Variants in KLF6 observed in about 807,000 individuals in gnomAD.
KLF6 encodes the protein Krueppel-like factor 6.
For synonymous variants in KLF6, 152 were observed against 147.9 expected (o/e 1.03, Z -0.20); for missense variants, 233 against 359.8 (o/e 0.65, Z 2.85).
chr10:3,781,620 G>A lies in KLF6; in HGVS notation c.676+21C>T, dbSNP rs1198463457. On this transcript the variant is annotated intron_variant, in intron 2 of 3. Coordinates refer to ENST00000497571, the MANE Select transcript of KLF6 (RefSeq NM_001300.6). The surrounding 1 kb of genome is among the most constrained non-coding windows in gnomAD (Gnocchi z 5.8). The stretch of plus-strand genomic sequence containing the variant: ...TGGCGCCCACCAGCGGCCGCCCTCC[G>A]GGGCCCGCGTGGGCACTGACCTGTG... The A allele has an allele frequency of 2.0e-5, 32 of 1,610,796 alleles. No homozygotes were observed. Among genetic ancestry groups the A allele is most frequent in the Admixed American group, 6.7e-5 (4 of 59,616 alleles).
At chr10:3,783,221 A>ATG (rs1832570584) in intron 1 of KLF6, 1 of 152,190 alleles carries the variant, frequency 6.6e-6, no homozygotes. Flanking sequence ...CCAACCTTTC[A>ATG]AGAAGCTACA....
chr10:3,777,394 G>A lies in KLF6; in HGVS notation c.*2145C>T. The A allele has an allele frequency of 2.0e-6, 1 of 511,522 alleles. No individual in the cohort carries two copies. 31.7% of individuals were successfully genotyped at this position (511,522 alleles called of 1,614,324 possible). On this transcript the variant is annotated 3_prime_UTR_variant, in exon 4 of 4. Transcript: ENST00000497571. ...AAAAGTGTTCTACAAAAGAATCCCT[G>A]TGGTTAGCTTACTCTTAGGTTAGAT...
In KLF6 at chr10:3,776,418, A is replaced by T. The variant is rs572017047; in HGVS notation, c.*3121T>A. The T allele has an allele frequency of 5.6e-5, 30 of 531,296 alleles. No homozygotes were observed. Among genetic ancestry groups the T allele is most frequent in the African/African-American group, 5.0e-4 (27 of 53,738 alleles). The allele number at this position is 531,296 out of a possible 1,614,324, so 32.9% of individuals were successfully genotyped here. On this transcript the variant is annotated 3_prime_UTR_variant, in exon 4 of 4. Coordinates refer to ENST00000497571, the MANE Select transcript of KLF6 (RefSeq NM_001300.6). Reference sequence around the variant, plus strand: ...CCCAGGACAGGCTGTGGAAAGAGGAAGGGGCTGAGGTCGGTGAGTTGTTCT... The same window carrying T: ...CCCAGGACAGGCTGTGGAAAGAGGATGGGGCTGAGGTCGGTGAGTTGTTCT...
In KLF6 at chr10:3,779,208, T is replaced by C; in HGVS notation, c.*331A>G. 3.5e-6 allele frequency: 2 copies of C among 563,810 alleles called. No individual in the cohort carries two copies. Among genetic ancestry groups the C allele is most frequent in the Non-Finnish European group, 6.7e-6 (2 of 296,332 alleles). 34.9% of individuals were successfully genotyped at this position (563,810 alleles called of 1,614,324 possible). On this transcript the variant is annotated 3_prime_UTR_variant, in exon 4 of 4. Coordinates refer to ENST00000497571, the MANE Select transcript of KLF6 (RefSeq NM_001300.6). Reference sequence around the variant, plus strand: ...TAACCACAAGGAAAAAAAGTTGGCCTCATCATACGGTCAGTAATAGATCCT... The same window carrying C: ...TAACCACAAGGAAAAAAAGTTGGCCCCATCATACGGTCAGTAATAGATCCT...
chr10:3,780,388 A>G lies in KLF6; in HGVS notation c.677-159T>C, dbSNP rs761983409. 1.2e-4 allele frequency: 97 copies of G among 818,882 alleles called. No individual in the cohort carries two copies. The highest frequency in any genetic ancestry group is 1.8e-4 in the Non-Finnish European group (85 of 484,620). The allele number at this position is 818,882 out of a possible 1,614,324, so 50.7% of individuals were successfully genotyped here. On this transcript the variant is annotated intron_variant, in intron 2 of 3. Transcript: ENST00000497571. The surrounding 1 kb of genome is among the most constrained non-coding windows in gnomAD (Gnocchi z 4.6). ...CAACTGGCAGCCTCAGAGAGACAACAGCAGCTCTCTCCTGACCCAGTCTCA... is the reference window on the plus strand; with the variant it reads ...CAACTGGCAGCCTCAGAGAGACAACGGCAGCTCTCTCCTGACCCAGTCTCA...
chr10:3,780,275 G>A lies in KLF6; in HGVS notation c.677-46C>T, dbSNP rs368903095. On this transcript the variant is annotated intron_variant, in intron 2 of 3. Coordinates refer to ENST00000497571, the MANE Select transcript of KLF6 (RefSeq NM_001300.6). The surrounding 1 kb of genome is among the most constrained non-coding windows in gnomAD (Gnocchi z 4.6). ...AAGCAGCCCATGACTTCACTGACCC[G>A]CAGACGGAAAGGGGAAATTCAACAA... The A allele has an allele frequency of 1.8e-5, 29 of 1,609,146 alleles. No homozygotes were observed. In the East Asian group the frequency reaches 2.5e-4, roughly 14 times the overall value.
Position 3,782,276 on chromosome 10 carries a change from G to A in KLF6, c.103-62C>T. ...ATGACGACCAAAAGTAAAAGCAAAA[G>A]CAATTTCCAAAAACATGCAAGAATG... On this transcript the variant is annotated intron_variant, in intron 1 of 3. Coordinates refer to ENST00000497571, the MANE Select transcript of KLF6 (RefSeq NM_001300.6). This position sits in a 1 kb window ranked among gnomAD's most constrained non-coding sequence, Gnocchi z 4.3. The A allele has an allele frequency of 2.9e-6, 4 of 1,402,508 alleles. No homozygotes were observed. The highest frequency in any genetic ancestry group is 3.0e-6 in the Non-Finnish European group (3 of 1,003,258). 86.9% of individuals were successfully genotyped at this position (1,402,508 alleles called of 1,614,324 possible).
chr10:3,784,777 G>A (rs1186643771), intron 1 of KLF6, 136 bp downstream of exon 1: 2 of 771,576 alleles, frequency 2.6e-6, no homozygotes, highest in Non-Finnish European at 3.8e-6. Flanking sequence ...ATCGGCGGGG[G>A]CGCTGCGCCC....
At chr10:3,784,512 T>G (rs1832603739) in intron 1 of KLF6, among the ~76,000 whole-genome samples, 1 of 151,648 alleles carries the variant, frequency 6.6e-6, no homozygotes, top group South Asian at 2.1e-4. Context: ...GGGCAAAATG[T>G]GATTTTTTTA....
Position 3,779,468 on chromosome 10 carries a change from G to C in KLF6, c.*71C>G. On this transcript the variant is annotated 3_prime_UTR_variant, in exon 4 of 4. Coordinates refer to ENST00000497571, the MANE Select transcript of KLF6 (RefSeq NM_001300.6). ...GAACGGCATGCTTTGGCTGGAACAC[G>C]CATCCCTCCTTCCACGGCCGGCTCT... 4 of 1,309,972 alleles carry C rather than the reference G, an allele frequency of 3.1e-6. No individual in the cohort carries two copies. The highest frequency in any genetic ancestry group is 4.4e-6 in the Non-Finnish European group (4 of 903,750). The allele number at this position is 1,309,972 out of a possible 1,614,324, so 81.1% of individuals were successfully genotyped here. A position where few individuals can be genotyped will look rare whatever the true frequency, so the allele number is the denominator to read the frequency against.
chr10:3,779,692 C>G, intron 3 of KLF6, 102 bp from the exon 4 acceptor site: 4 of 1,063,032 alleles, frequency 3.8e-6, no homozygotes, highest in Non-Finnish European at 5.8e-6. Context: ...GCCTAACCCC[C>G]TGCAGGGAAA....
rs189242637 is a variant in KLF6, at chr10:3,780,271, A to T, written c.677-42T>A. On this transcript the variant is annotated intron_variant, in intron 2 of 3. Transcript: ENST00000497571. This position sits in a 1 kb window ranked among gnomAD's most constrained non-coding sequence, Gnocchi z 4.6. ...GGACAAGCAGCCCATGACTTCACTG[A>T]CCCGCAGACGGAAAGGGGAAATTCA... 4.3e-5 allele frequency: 69 copies of T among 1,610,516 alleles called. No individual in the cohort carries two copies. In the African/African-American group the frequency reaches 8.0e-4, roughly 19 times the overall value.
rs1179920549 is a variant in KLF6 at position 3,776,402 on chromosome 10, G to A, written c.*3137C>T. 1 of 531,984 alleles carries A rather than the reference G, an allele frequency of 1.9e-6. No individual in the cohort carries two copies. The highest frequency in any genetic ancestry group is 2.2e-5 in the Admixed American group (1 of 44,950). The allele number at this position is 531,984 out of a possible 1,614,324, so 33.0% of individuals were successfully genotyped here. ...GACATCCTCTCCAGCTCCCAGGACAGGCTGTGGAAAGAGGAAGGGGCTGAG... is the reference window on the plus strand; with the variant it reads ...GACATCCTCTCCAGCTCCCAGGACAAGCTGTGGAAAGAGGAAGGGGCTGAG... On this transcript the variant is annotated 3_prime_UTR_variant, in exon 4 of 4. Transcript: ENST00000497571.
rs962842207 is a variant in KLF6, at chr10:3,778,216, A to T, written c.*1323T>A. The T allele has an allele frequency of 5.7e-6, 3 of 525,968 alleles. No individual in the cohort carries two copies. The highest frequency in any genetic ancestry group is 5.6e-5 in the African/African-American group (3 of 53,348). The allele number at this position is 525,968 out of a possible 1,614,324, so 32.6% of individuals were successfully genotyped here. A position where few individuals can be genotyped will look rare whatever the true frequency, so the allele number is the denominator to read the frequency against. On this transcript the variant is annotated 3_prime_UTR_variant, in exon 4 of 4. Transcript: ENST00000497571. ...TTGATACAGTACACTGCCAGGTGAAACAAGAGCCTTAATAAAGCATGCATC... is the reference window on the plus strand; with the variant it reads ...TTGATACAGTACACTGCCAGGTGAATCAAGAGCCTTAATAAAGCATGCATC...
rs1588340197 is a variant in KLF6 at position 3,777,988 on chromosome 10, G to C, written c.*1551C>G. 2.0e-6 allele frequency: 1 copy of C among 504,664 alleles called. No homozygotes were observed. The highest frequency in any genetic ancestry group is 4.5e-5 in the East Asian group (1 of 22,302). The allele number at this position is 504,664 out of a possible 1,614,324, so 31.3% of individuals were successfully genotyped here. A position where few individuals can be genotyped will look rare whatever the true frequency, so the allele number is the denominator to read the frequency against. ...TACATATTAAATACAGCCGGTGTGT[G>C]ATCTATACAATTGTTGTGCAAGGTC... is the stretch of plus-strand genomic sequence containing the variant. On this transcript the variant is annotated 3_prime_UTR_variant, in exon 4 of 4. Transcript: ENST00000497571.
chr10:3,785,059 G>A lies in KLF6; in HGVS notation c.-45C>T, dbSNP rs1366212029. On this transcript the variant is annotated 5_prime_UTR_variant, in exon 1 of 4. Transcript: ENST00000497571. ...AGCCCGCGGTCGCGAGGGCGGCGAG[G>A]CGCGCGGTGGGAGCCGGAGCCGAAA... 5 of 1,607,864 alleles carry A rather than the reference G, an allele frequency of 3.1e-6. No homozygotes were observed.
rs1332654724 is a variant in KLF6, at chr10:3,776,457, T to G, written c.*3082A>C. 1.9e-6 allele frequency: 1 copy of G among 531,560 alleles called. No individual in the cohort carries two copies. The allele number at this position is 531,560 out of a possible 1,614,324, so 32.9% of individuals were successfully genotyped here. A position where few individuals can be genotyped will look rare whatever the true frequency, so the allele number is the denominator to read the frequency against. On this transcript the variant is annotated 3_prime_UTR_variant, in exon 4 of 4. Coordinates refer to ENST00000497571, the MANE Select transcript of KLF6 (RefSeq NM_001300.6). ...GTGAGTTGTTCTCAGGGTTGCTCAA[T>G]GAAGATTTGCCCCCAGGAGGAAGCC...
chr10:3,777,749 C>A lies in KLF6; in HGVS notation c.*1790G>T, dbSNP rs576264654. 1 of 272,102 alleles carries A rather than the reference C, an allele frequency of 3.7e-6. No individual in the cohort carries two copies. Among genetic ancestry groups the A allele is most frequent in the Non-Finnish European group, 7.0e-6 (1 of 143,486 alleles). The allele number at this position is 272,102 out of a possible 1,614,324, so 16.9% of individuals were successfully genotyped here. On this transcript the variant is annotated 3_prime_UTR_variant, in exon 4 of 4. Coordinates refer to ENST00000497571, the MANE Select transcript of KLF6 (RefSeq NM_001300.6). ...CTTAAAAAAAATATTTATATATTAT[C>A]TATATATATAATATATATATATACA...
rs779863946 is a variant in KLF6, at chr10:3,785,003, G to A, written c.12C>T (p.Leu4=). The change falls in exon 1 of 4, where the codon CTC becomes CTT. Residue 4 remains leucine, a synonymous_variant. Transcript: ENST00000497571. Reference sequence around the variant, plus strand: ...GCTCCTGGAAGATGCTGCACATGGGGAGCACGTCCATGTCGGGCCGGGTTG... The same window carrying A: ...GCTCCTGGAAGATGCTGCACATGGGAAGCACGTCCATGTCGGGCCGGGTTG... The part of the protein sequence containing the change: MDV[L]PMCSIFQELQ... The A allele has an allele frequency of 6.2e-7, 1 of 1,610,514 alleles. No individual in the cohort carries two copies. The highest frequency in any genetic ancestry group is 1.1e-5 in the South Asian group (1 of 90,824).
Sources: gnomAD v4.1 joint callset for allele counts (sites outside exome capture counted in the v4.1 genomes callset) on GRCh38, gnomAD v4.1.1 for gene constraint, Gnocchi (gnomAD v3.1) non-coding constraint, MANE v1.5 for transcripts, NCBI Gene and HGNC (gene_info 2026-07-23, HGNC 2026-07-21) for gene names.